Variants in LEPR observed in about 807,000 individuals in gnomAD.
LEPR encodes the protein OB receptor.
Under a neutral mutation model 114.7 loss-of-function variants are expected in LEPR, and 56 were observed. The observed-to-expected ratio is 0.49, with a 90% confidence interval of 0.39 to 0.61. The LOEUF is 0.61. Among genes scored for constraint, LEPR ranks in the 20% least tolerant of loss-of-function variants. The pLI, the probability that LEPR is intolerant of heterozygous loss-of-function variation, is 0.00. For missense variants in LEPR, 1,202 were observed against 1,352.9 expected, an observed-to-expected ratio of 0.89 and a Z score of 1.75; for synonymous variants, 443 against 461.4, an observed-to-expected ratio of 0.96 and a Z score of 0.51.
chr1:65,574,406 A>C (rs928387428), intron 5 of LEPR, among the ~76,000 whole-genome samples: 2 of 152,186 alleles, frequency 1.3e-5, no homozygotes, highest in Admixed American at 6.5e-5. Context: ...ATAATAATAA[A>C]AAAAATTTAA....
chr1:65,581,584 T>G (rs1938487), intron 5 of LEPR, among the ~76,000 whole-genome samples: 2 of 152,058 alleles, frequency 1.3e-5, no homozygotes, highest in East Asian at 3.9e-4. Flanking sequence ...CCATTAGATA[T>G]GATAAAAGCC....
intron 2 of LEPR, among the ~76,000 whole-genome samples, chr1:65,450,567 A>G (rs1646770858): frequency 7.2e-6 from 1 of 138,972 alleles, no homozygotes; most frequent in African/African-American, 2.7e-5. Context: ...GAGAATGATG[A>G]TTTCCAATTT....
intron 2 of LEPR, among the ~76,000 whole-genome samples, chr1:65,483,337 A>G (rs1208126135): frequency 1.3e-5 from 2 of 152,166 alleles, no homozygotes; most frequent in Admixed American, 6.5e-5. Context: ...AATTAAAACG[A>G]CAATGTATCA....
intron 2 of LEPR, among the ~76,000 whole-genome samples, chr1:65,532,392 T>C (rs1650464006): frequency 6.6e-6 from 1 of 152,154 alleles, no homozygotes; most frequent in Non-Finnish European, 1.5e-5. Flanking sequence ...AATGCTTCCA[T>C]CTGAAAGTGA....
chr1:65,601,121 G>A (rs1255959815), intron 8 of LEPR, among the ~76,000 whole-genome samples: 1 of 151,812 alleles, frequency 6.6e-6, no homozygotes, highest in East Asian at 1.9e-4. Context: ...ACAATTACTG[G>A]CTAAAACATA....
At chr1:65,488,197 T>TTTCC (rs1647633345) in intron 2 of LEPR, among the ~76,000 whole-genome samples, 1 of 24,200 alleles carries the variant, frequency 4.1e-5, no homozygotes, top group Admixed American at 4.7e-4. Context: ...TCTTTCTTTC[T>TTTCC]TTCTTTCTTT....
Position 65,588,447 on chromosome 1 carries a change from A to G in LEPR, c.495-4210A>G, listed in dbSNP as rs538673292. 2.6e-5 allele frequency among the ~76,000 whole-genome samples: 4 copies of G among 152,174 alleles called. No individual in the cohort carries two copies. The South Asian group carries it at 6.2e-4, about 24-fold the overall frequency. On this transcript the variant is annotated intron_variant, in intron 5 of 19. Transcript: ENST00000349533. ...ATATATAATAAGCTGTACATATTTA[A>G]ATTATAAATTTGACAAATATTGATC... is the stretch of plus-strand genomic sequence containing the variant.
intron 2 of LEPR, among the ~76,000 whole-genome samples, chr1:65,431,142 C>T (rs189629993): frequency 6.6e-6 from 1 of 152,320 alleles, no homozygotes; most frequent in African/African-American, 2.4e-5. Context: ...ACAAGATTGT[C>T]ATGACTTTAT....
intron 2 of LEPR, among the ~76,000 whole-genome samples, chr1:65,558,118 C>T (rs188150264): frequency 2.6e-5 from 4 of 152,174 alleles, no homozygotes; most frequent in African/African-American, 9.7e-5. Context: ...ATCTGTGACA[C>T]ATCTTGACTA....
chr1:65,574,657 T>G (rs1199799403), intron 5 of LEPR, among the ~76,000 whole-genome samples: 2 of 152,194 alleles, frequency 1.3e-5, no homozygotes, highest in African/African-American at 4.8e-5. Context: ...ATGGAAATAT[T>G]TACACAATGT....
intron 2 of LEPR, among the ~76,000 whole-genome samples, chr1:65,546,784 G>A (rs956246576): frequency 1.4e-4 from 21 of 152,080 alleles, no homozygotes; most frequent in Admixed American, 1.2e-3. Flanking sequence ...TGTTTTCCTA[G>A]TTGAATACCC....
rs141483708 is a variant in LEPR, at chr1:65,556,348, G to A, written c.-20-9198G>A. ...GAAGAAAACTGCATTCCAGGGGAAT[G>A]TTAGGCAGTATTATCTCACCTCTTC... On this transcript the variant is annotated intron_variant, in intron 2 of 19. Coordinates refer to ENST00000349533, the MANE Select transcript of LEPR (RefSeq NM_002303.6). Among the ~76,000 whole-genome samples, 73 of 152,282 alleles carry A rather than the reference G, an allele frequency of 4.8e-4. No homozygotes were observed. In the East Asian group the frequency reaches 0.014, roughly 29 times the overall value.
chr1:65,556,398 C>T (rs372645354), intron 2 of LEPR, among the ~76,000 whole-genome samples: 1 of 152,062 alleles, frequency 6.6e-6, no homozygotes, highest in Non-Finnish European at 1.5e-5. Context: ...GTGACTGGCT[C>T]AGTTCATGCA....
At chr1:65,434,278 A>C (rs1241062890) in intron 2 of LEPR, 2 of 983,376 alleles carry the variant, frequency 2.0e-6, no homozygotes, top group Admixed American at 1.2e-4. Context: ...AAGTTTGATC[A>C]TGGTGACACA....
chr1:65,607,161 C>A (rs1656866746), intron 11 of LEPR, among the ~76,000 whole-genome samples: 1 of 152,138 alleles, frequency 6.6e-6, no homozygotes, highest in Admixed American at 6.5e-5. Flanking sequence ...AGAGTGTCTA[C>A]ATTTGGCCTT....
chr1:65,608,892 A>G lies in LEPR; in HGVS notation c.1743A>G (p.Val581=), dbSNP rs772283334. ...QIRYGLSGKE[V]QWKMYEVYDA... ...GCTATGGTTTAAGTGGAAAAGAAGT[A>G]CAATGGAAGGTACCTTTTACTTAGA... is the stretch of plus-strand genomic sequence containing the variant. The change falls in exon 12 of 20, where the codon GTA becomes GTG. Residue 581 remains valine, a synonymous_variant. Transcript: ENST00000349533. 4 of 1,613,736 alleles carry G rather than the reference A, an allele frequency of 2.5e-6. No homozygotes were observed. The highest frequency in any genetic ancestry group is 2.2e-5 in the South Asian group (2 of 91,044).
At chr1:65,430,884 C>T (rs1342136068) in intron 2 of LEPR, among the ~76,000 whole-genome samples, 1 of 152,112 alleles carries the variant, frequency 6.6e-6, no homozygotes, top group Non-Finnish European at 1.5e-5. Flanking sequence ...TTCCGACTGG[C>T]ATTTGATATG....
intron 2 of LEPR, chr1:65,430,102 G>C (rs1037265115): frequency 9.1e-6 from 13 of 1,433,256 alleles, no homozygotes; most frequent in Non-Finnish European, 1.2e-5. Context: ...TACTTCAGAG[G>C]CCTGTGTCTG....
At chr1:65,432,079 G>A (rs1174204178) in intron 2 of LEPR, 2 of 1,336,858 alleles carry the variant, frequency 1.5e-6, no homozygotes, top group South Asian at 2.0e-5. Context: ...TAGGAGATGA[G>A]TTTTATTCTC....
Sources: allele counts gnomAD v4.1 joint callset (sites outside exome capture counted in the v4.1 genomes callset), GRCh38; gene constraint gnomAD v4.1.1; transcripts MANE v1.5; gene names NCBI Gene and HGNC (gene_info 2026-07-23, HGNC 2026-07-21).